Variants in UNC13A observed in about 807,000 individuals in gnomAD.
UNC13A encodes the protein unc-13 homolog A, also known as protein unc-13 homolog A.
UNC13A carries 61 observed loss-of-function variants against 219.7 expected under a neutral mutation model. The observed-to-expected ratio is 0.28, with a 90% CI of 0.23 to 0.34. The LOEUF (loss-of-function observed/expected upper bound fraction) is 0.34. UNC13A is among the 10% of genes least tolerant of loss of function. The pLI, the probability that UNC13A is intolerant of heterozygous loss-of-function variation, is 1.00. For missense variants in UNC13A, 1,476 were observed against 2,270.3 expected (o/e 0.65, Z 7.11); for synonymous variants, 920 against 884.6 (o/e 1.04, Z -0.71).
chr19:17,672,768 C>A (rs1160323720), intron 3 of UNC13A, among the ~76,000 whole-genome samples: 1 of 152,118 alleles, frequency 6.6e-6, no homozygotes, highest in East Asian at 1.9e-4. Flanking sequence ...TCGCCTGCAC[C>A]TTCATCTTTC....
chr19:17,618,402 G>A lies in UNC13A; in HGVS notation c.4410+19C>T, dbSNP rs916509011. 1.9e-6 allele frequency: 3 copies of A among 1,565,536 alleles called. No individual in the cohort carries two copies. Among genetic ancestry groups the A allele is most frequent in the African/African-American group, 2.7e-5 (2 of 73,614 alleles). On this transcript the variant is annotated intron_variant, in intron 40 of 43. Transcript: ENST00000519716. ...CTCTACATCCCCCACCTGGGATGGGGAGGGGTAGGGCCTCTCACCTTGATG... is the reference window on the plus strand; with the variant it reads ...CTCTACATCCCCCACCTGGGATGGGAAGGGGTAGGGCCTCTCACCTTGATG...
chr19:17,673,123 C>T (rs953846206), intron 3 of UNC13A, among the ~76,000 whole-genome samples: 4 of 151,862 alleles, frequency 2.6e-5, no homozygotes, highest in Non-Finnish European at 4.4e-5. Flanking sequence ...TTTGGGAGGC[C>T]GAGATGGGCG....
chr19:17,686,869 G>T (rs2080123314), intron 1 of UNC13A, among the ~76,000 whole-genome samples: 1 of 151,872 alleles, frequency 6.6e-6, no homozygotes, highest in Non-Finnish European at 1.5e-5. Flanking sequence ...CCGGCTCCCC[G>T]GCCTGCCCAC....
At position 17,674,216 on chromosome 19, in the gene UNC13A, G is replaced by A. The variant is rs909502702; in HGVS notation, c.152+441C>T. Among the ~76,000 whole-genome samples the A allele has an allele frequency of 6.6e-6, 1 of 152,192 alleles. No homozygotes were observed. Among genetic ancestry groups the A allele is most frequent in the South Asian group, 2.1e-4 (1 of 4,828 alleles). Reference sequence around the variant, plus strand: ...ACAAGCTGGGAAGTGTTGGAGAAAGGGGCAGAGGTGGGTGTGGCTGGGGCA... The same window carrying A: ...ACAAGCTGGGAAGTGTTGGAGAAAGAGGCAGAGGTGGGTGTGGCTGGGGCA... On this transcript the variant is annotated intron_variant, in intron 3 of 43. Coordinates refer to ENST00000519716, the MANE Select transcript of UNC13A (RefSeq NM_001080421.3). The surrounding 1 kb of genome is among the most constrained non-coding windows in gnomAD (Gnocchi z 5.0).
At chr19:17,669,112 A>G (rs991302739) in intron 5 of UNC13A, among the ~76,000 whole-genome samples, 27 of 152,248 alleles carry the variant, frequency 1.8e-4, no homozygotes, top group Admixed American at 3.3e-4. Flanking sequence ...GGGTTCTTAG[A>G]AGAATGAGGT....
chr19:17,625,310 A>T (rs1443643242), intron 34 of UNC13A, among the ~76,000 whole-genome samples: 2 of 152,214 alleles, frequency 1.3e-5, no homozygotes, highest in Middle Eastern at 3.4e-3. Context: ...AAGGATGGAG[A>T]TCAGGGACTA....
rs2076796982 is a variant in UNC13A at position 17,627,615 on chromosome 19, A to AC, written c.3832-19dup. ...GCATCCAGCTAAGGAGGGAGAAGGG[A>AC]CACCAGGCCAGGTTCAGTAAGTATC... On this transcript the variant is annotated intron_variant, in intron 32 of 43. Transcript: ENST00000519716. This position sits in a 1 kb window ranked among gnomAD's most constrained non-coding sequence, Gnocchi z 4.7. The AC allele has an allele frequency of 1.3e-6, 2 of 1,549,364 alleles. No homozygotes were observed.
chr19:17,614,748 C>A (rs939906385), intron 41 of UNC13A, among the ~76,000 whole-genome samples: 1 of 152,100 alleles, frequency 6.6e-6, no homozygotes, highest in Non-Finnish European at 1.5e-5. Context: ...CTTTGCTGCA[C>A]GCCCCAGGCC....
At chr19:17,652,569 CA>C in intron 12 of UNC13A, 61 bp downstream of exon 12, 4 of 1,610,336 alleles carry the variant, frequency 2.5e-6, no homozygotes, top group Non-Finnish European at 3.4e-6. Context: ...GGCTCAGGCG[CA>C]AACCAGCCTT....
chr19:17,645,902 T>C lies in UNC13A; in HGVS notation c.2187-59A>G, dbSNP rs1599371788. ...AGGCAGCCAGTGTGAGTCCTGTCCT[T>C]GGAGCCCTCTTTTGGCTGCCCCAGC... is the stretch of plus-strand genomic sequence containing the variant. On this transcript the variant is annotated intron_variant, in intron 18 of 43. Coordinates refer to ENST00000519716, the MANE Select transcript of UNC13A (RefSeq NM_001080421.3). The C allele has an allele frequency of 3.4e-5, 54 of 1,593,244 alleles. No individual in the cohort carries two copies. The East Asian group carries it at 1.2e-3, about 36-fold the overall frequency.
Position 17,624,953 on chromosome 19 carries a change from C to G in UNC13A, c.4074-1G>C. 1 of 1,613,040 alleles carries G rather than the reference C, an allele frequency of 6.2e-7. No individual in the cohort carries two copies. Among genetic ancestry groups the G allele is most frequent in the Non-Finnish European group, 8.5e-7 (1 of 1,179,258 alleles). The stretch of plus-strand genomic sequence containing the variant: ...ACAGATTTTGGCAAAGAGGGTCAGG[C>G]TGGGGACGAGGGGCAGGTCTGAGAG... On this transcript the variant is annotated splice_acceptor_variant, in intron 34 of 43. Transcript: ENST00000519716. LOFTEE classifies it high-confidence loss of function.
rs1412741136 is a variant in UNC13A at position 17,601,846 on chromosome 19, C to T, written c.*4208G>A. 1 of 152,640 alleles carries T rather than the reference C, an allele frequency of 6.6e-6. No homozygotes were observed. Among genetic ancestry groups the T allele is most frequent in the Non-Finnish European group, 1.5e-5 (1 of 68,054 alleles). 9.5% of individuals were successfully genotyped at this position (152,640 alleles called of 1,614,324 possible). A position where few individuals can be genotyped will look rare whatever the true frequency, so the allele number is the denominator to read the frequency against. On this transcript the variant is annotated 3_prime_UTR_variant, in exon 44 of 44. Coordinates refer to ENST00000519716, the MANE Select transcript of UNC13A (RefSeq NM_001080421.3). Reference sequence around the variant, plus strand: ...AGGCAAAGAGAAAAGCAACACGTGTCAGCAAAGACAACTTTGGTCCTCAAC... The same window carrying T: ...AGGCAAAGAGAAAAGCAACACGTGTTAGCAAAGACAACTTTGGTCCTCAAC...
chr19:17,670,067 T>C (rs1423507126), intron 4 of UNC13A, among the ~76,000 whole-genome samples: 2 of 149,754 alleles, frequency 1.3e-5, no homozygotes, highest in East Asian at 4.1e-4. Flanking sequence ...CTGCCTCAGC[T>C]TCCCGAGTAG....
intron 8 of UNC13A, 61 bp from the exon 9 acceptor site, chr19:17,658,330 C>G: frequency 6.6e-7 from 1 of 1,505,750 alleles, no homozygotes; most frequent in Non-Finnish European, 9.1e-7. Flanking sequence ...TGATGGGAGC[C>G]AATACAATTT....
rs7260054 is a variant in UNC13A at position 17,661,616 on chromosome 19, C to A, written c.559+1916G>T. ...GGCTGAGGCAAGAGAACTGCTTGAA[C>A]CCGGGAGGTGGAGGTTGCAGTGAGC... On this transcript the variant is annotated intron_variant, in intron 8 of 43. Transcript: ENST00000519716. Among the ~76,000 whole-genome samples, 742 of 152,080 alleles carry A rather than the reference C, an allele frequency of 4.9e-3. 7 individuals are homozygous for A. The highest frequency in any genetic ancestry group is 0.017 in the African/African-American group (719 of 41,480).
At chr19:17,681,474 C>T (rs1484042561) in intron 1 of UNC13A, among the ~76,000 whole-genome samples, 1 of 152,074 alleles carries the variant, frequency 6.6e-6, no homozygotes, top group Non-Finnish European at 1.5e-5. Flanking sequence ...GTGCTGGTTT[C>T]GCATCTGGGA....
chr19:17,609,136 T>C (rs1438187505), intron 43 of UNC13A, among the ~76,000 whole-genome samples: 1 of 148,238 alleles, frequency 6.7e-6, no homozygotes, highest in African/African-American at 2.5e-5. Flanking sequence ...TTTTTTTTTT[T>C]TTTTTGTATT....
At chr19:17,636,992 CAA>C (rs760028504) in intron 25 of UNC13A, among the ~76,000 whole-genome samples, 3 of 147,808 alleles carry the variant, frequency 2.0e-5, no homozygotes, top group Non-Finnish European at 4.5e-5. Flanking sequence ...TTTTTTCTTT[CAA>C]GAGACAGAGT....
intron 41 of UNC13A, 74 bp from the exon 42 acceptor site, chr19:17,611,929 TCCCACCCA>T: frequency 7.4e-7 from 1 of 1,347,718 alleles, no homozygotes; most frequent in Non-Finnish European, 1.1e-6. Context: ...CTTGACGGCC[TCCCACCCA>T]CCTGTGCTGG....
Sources: allele counts gnomAD v4.1 joint callset (sites outside exome capture counted in the v4.1 genomes callset), GRCh38; gene constraint gnomAD v4.1.1; non-coding constraint Gnocchi (gnomAD v3.1); transcripts MANE v1.5; gene names NCBI Gene and HGNC (gene_info 2026-07-23, HGNC 2026-07-21).